The following N4BP1 variants were observed in gnomAD, a reference collection of about 807,000 sequenced individuals.
N4BP1 encodes NEDD4 binding protein 1, also known as NEDD4-binding protein 1.
Under a neutral mutation model 70.9 loss-of-function variants are expected in N4BP1, and 21 were observed. The ratio of observed to expected loss-of-function variants is 0.30; its 90% CI spans 0.21 to 0.43. The LOEUF is 0.43. N4BP1 is among the 20% of genes least tolerant of loss of function. N4BP1 has a pLI of 1.00. For synonymous variants in N4BP1, 387 were observed against 394.6 expected (o/e 0.98, Z 0.23); for missense variants, 936 against 1,069.4 (o/e 0.88, Z 1.74).
chr16:48,608,981 G>A lies in N4BP1; in HGVS notation c.198+794C>T, dbSNP rs116470660. ...TGTAGTCCCAGCACTTTGGGTGACC[G>A]AGATGGGAGGATGACTTGAGTCCAA... On this transcript the variant is annotated intron_variant, in intron 1 of 6. Transcript: ENST00000262384. Among the ~76,000 whole-genome samples, 1,209 of 151,344 alleles carry A rather than the reference G, an allele frequency of 8.0e-3. 12 individuals carry two copies. The highest frequency in any genetic ancestry group is 0.027 in the African/African-American group (1,113 of 41,182).
At chr16:48,577,998 G>A (rs77195966) in intron 1 of N4BP1, 17,075 of 155,270 alleles carry the variant, frequency 0.11, 1,272 homozygotes, top group Non-Finnish European at 0.16. Context: ...AGACGTGACC[G>A]TTCTAGTCCC....
At chr16:48,551,329 G>A (rs1294576191) in intron 4 of N4BP1, 57 bp downstream of exon 4, 30 of 1,346,538 alleles carry the variant, frequency 2.2e-5, no homozygotes, top group Non-Finnish European at 3.1e-5. Context: ...AGCAGAGCAG[G>A]TGGCTGGCTC....
At chr16:48,580,125 AAC>A (rs1964155241) in intron 1 of N4BP1, among the ~76,000 whole-genome samples, 1 of 152,070 alleles carries the variant, frequency 6.6e-6, no homozygotes, top group Non-Finnish European at 1.5e-5. Flanking sequence ...AAATAAATGA[AAC>A]AGAGACTATA....
intron 1 of N4BP1, among the ~76,000 whole-genome samples, chr16:48,591,572 T>C (rs551726248): frequency 6.6e-6 from 1 of 151,800 alleles, no homozygotes; most frequent in South Asian, 2.1e-4. Flanking sequence ...AAGAGCTCTA[T>C]GGTTAAAATC....
intron 1 of N4BP1, among the ~76,000 whole-genome samples, chr16:48,592,498 A>T (rs2151099349): frequency 6.6e-6 from 1 of 152,346 alleles, no homozygotes; most frequent in South Asian, 2.1e-4. Context: ...GAAACTGGCA[A>T]ATGAAAAATG....
At chr16:48,603,975 T>G (rs1388177041) in intron 1 of N4BP1, among the ~76,000 whole-genome samples, 1 of 152,156 alleles carries the variant, frequency 6.6e-6, no homozygotes, top group African/African-American at 2.4e-5. Flanking sequence ...CCCCCTTACC[T>G]CCAATCCTTG....
At chr16:48,574,576 G>A (rs890613019) in intron 1 of N4BP1, among the ~76,000 whole-genome samples, 1 of 152,150 alleles carries the variant, frequency 6.6e-6, no homozygotes, top group African/African-American at 2.4e-5. Flanking sequence ...ACAGATAACT[G>A]CAGAAAGACC....
chr16:48,604,696 T>C (rs1964552303), intron 1 of N4BP1, among the ~76,000 whole-genome samples: 1 of 152,238 alleles, frequency 6.6e-6, no homozygotes, highest in African/African-American at 2.4e-5. Context: ...TAACTGTTTT[T>C]TTAAAATATG....
chr16:48,597,865 T>C (rs1964440012), intron 1 of N4BP1, among the ~76,000 whole-genome samples: 2 of 152,222 alleles, frequency 1.3e-5, no homozygotes. Flanking sequence ...GACGGCTGCA[T>C]GCATAAGCTT....
chr16:48,609,262 C>T (rs552295710), intron 1 of N4BP1, among the ~76,000 whole-genome samples: 111 of 152,294 alleles, frequency 7.3e-4, no homozygotes, highest in African/African-American at 2.5e-3. Flanking sequence ...TTCTGACATT[C>T]TCCGAGCGTT....
chr16:48,572,410 C>A (rs922518814), intron 1 of N4BP1, among the ~76,000 whole-genome samples: 3 of 151,910 alleles, frequency 2.0e-5, no homozygotes, highest in African/African-American at 7.3e-5. Context: ...TTATCAAAAG[C>A]AATTCTGGAT....
intron 1 of N4BP1, among the ~76,000 whole-genome samples, chr16:48,607,981 C>A (rs924125617): frequency 6.6e-6 from 1 of 152,206 alleles, no homozygotes; most frequent in Non-Finnish European, 1.5e-5. Context: ...CCTGCCTCAG[C>A]CTCCCGAGTA....
chr16:48,572,154 G>A (rs1233352720), intron 1 of N4BP1, among the ~76,000 whole-genome samples: 4 of 152,184 alleles, frequency 2.6e-5, no homozygotes, highest in Non-Finnish European at 5.9e-5. Flanking sequence ...AGCCATGTTT[G>A]CACCACTGCA....
In N4BP1 at chr16:48,546,232, C is replaced by G. The variant is rs769553106; in HGVS notation, c.2248G>C (p.Gly750Arg). 1.2e-6 allele frequency: 2 copies of G among 1,611,162 alleles called. No homozygotes were observed. The highest frequency in any genetic ancestry group is 1.7e-6 in the Non-Finnish European group (2 of 1,178,894). The stretch of plus-strand genomic sequence containing the variant: ...TCATCGGGAACCATAAATATGTCCC[C>G]CACGAACGTGTACTGCAGCAGCCTA... ...TKRLLQYTFV[G>R]DIFMVPDDPL... Residue 750 changes from glycine to arginine, a missense_variant, in exon 6 of 7, where the codon GGG becomes CGG. Transcript: ENST00000262384.
chr16:48,568,986 A>G (rs1963979394), intron 1 of N4BP1, among the ~76,000 whole-genome samples: 1 of 152,240 alleles, frequency 6.6e-6, no homozygotes, highest in African/African-American at 2.4e-5. Context: ...TCAGCATCAC[A>G]TGCTTTTGCC....
chr16:48,544,404 G>A (rs910549673), intron 6 of N4BP1, among the ~76,000 whole-genome samples: 3 of 152,172 alleles, frequency 2.0e-5, no homozygotes, highest in South Asian at 2.1e-4. Context: ...AAGTGTGACT[G>A]CCTAAAAATG....
At chr16:48,595,527 A>C (rs755293652) in intron 1 of N4BP1, among the ~76,000 whole-genome samples, 1 of 151,998 alleles carries the variant, frequency 6.6e-6, no homozygotes, top group Non-Finnish European at 1.5e-5. Context: ...ACAACTCAGT[A>C]AAGTACATTC....
At chr16:48,604,970 G>A (rs556106893) in intron 1 of N4BP1, among the ~76,000 whole-genome samples, 2 of 151,984 alleles carry the variant, frequency 1.3e-5, no homozygotes, top group African/African-American at 4.8e-5. Flanking sequence ...TCCCTACACA[G>A]GTTCCCTGCC....
intron 2 of N4BP1, among the ~76,000 whole-genome samples, chr16:48,560,342 G>A (rs1339958621): frequency 2.0e-5 from 3 of 151,776 alleles, no homozygotes; most frequent in African/African-American, 7.3e-5. Context: ...GCACACTCTT[G>A]GCTAGAGATC....
Sources: allele counts gnomAD v4.1 joint callset (sites outside exome capture counted in the v4.1 genomes callset), GRCh38; gene constraint gnomAD v4.1.1; transcripts MANE v1.5; gene names NCBI Gene and HGNC (gene_info 2026-07-23, HGNC 2026-07-21).